The following ITPR3 variants were observed in gnomAD, a reference collection of about 807,000 sequenced individuals.
ITPR3 encodes the protein inositol 1,4,5-trisphosphate receptor type 3, also known as inositol 1,4,5-trisphosphate-gated calcium channel ITPR3.
A neutral mutation model predicts 293.2 loss-of-function variants in ITPR3; 173 were observed. That is an observed-to-expected ratio of 0.59 (90% CI 0.52 to 0.67). The LOEUF is 0.67. Among genes scored for constraint, ITPR3 ranks in the 30% least tolerant of loss-of-function variants. ITPR3 has a pLI of 0.00. For missense variants in ITPR3, 2,796 were observed against 3,592.1 expected, an observed-to-expected ratio of 0.78 and a Z score of 5.66; for synonymous variants, 1,295 against 1,444.4, an observed-to-expected ratio of 0.90 and a Z score of 2.35.
At chr6:33,659,325 G>T in intron 6 of ITPR3, 141 bp from the exon 7 acceptor site, 1 of 901,920 alleles carries the variant, frequency 1.1e-6, no homozygotes, top group African/African-American at 1.6e-5. Flanking sequence ...GCCGGGCTGG[G>T]GTCTGGGGAC....
Position 33,655,638 on chromosome 6 carries a change from C to A in ITPR3, c.161-128C>A. ...TGAGGTTCTTCCAACCGCTTCCTCT[C>A]TACCTGCAGCGGGGAACGGGGGTGG... On this transcript the variant is annotated intron_variant, in intron 2 of 57. Transcript: ENST00000605930. The surrounding 1 kb of genome is among the most constrained non-coding windows in gnomAD (Gnocchi z 4.9). The A allele has an allele frequency of 8.0e-7, 1 of 1,253,490 alleles. No individual in the cohort carries two copies. The highest frequency in any genetic ancestry group is 2.5e-5 in the East Asian group (1 of 39,858). The allele number at this position is 1,253,490 out of a possible 1,614,324, so 77.6% of individuals were successfully genotyped here.
chr6:33,633,615 C>T lies in ITPR3; in HGVS notation c.90-6869C>T, dbSNP rs942456828. Among the ~76,000 whole-genome samples the T allele has an allele frequency of 3.3e-5, 5 of 151,460 alleles. No individual in the cohort carries two copies. The highest frequency in any genetic ancestry group is 1.2e-4 in the African/African-American group (5 of 41,356). ...CCGCCCCGCCCCCGGGCGCGTCTGG[C>T]GGAGGCGCGGCGTCCTGGCAGCGGC... On this transcript the variant is annotated intron_variant, in intron 1 of 57. Coordinates refer to ENST00000605930, the MANE Select transcript of ITPR3 (RefSeq NM_002224.4). This position sits in a 1 kb window ranked among gnomAD's most constrained non-coding sequence, Gnocchi z 5.2.
In ITPR3 at chr6:33,691,623, C is replaced by G. The variant is rs1460142452; in HGVS notation, c.7234C>G (p.Leu2412Val). 1.2e-6 allele frequency: 2 copies of G among 1,613,830 alleles called. No individual in the cohort carries two copies. The highest frequency in any genetic ancestry group is 2.7e-5 in the African/African-American group (2 of 74,882). ...LPNNHSTASPLGMPHGAAAFV... is the reference protein window; with the variant it reads ...LPNNHSTASPVGMPHGAAAFV... ...ATCCATATCCCCTCCAGCCAGCCCC[C>G]TGGGGATGCCACATGGAGCTGCTGC... The change falls in exon 53 of 58, where the codon CTG (leucine) becomes GTG (valine). Residue 2412 changes from leucine to valine, a missense_variant. Physicochemically the swap from Leu to Val is conservative, Grantham distance 32. Coordinates refer to ENST00000605930, the MANE Select transcript of ITPR3 (RefSeq NM_002224.4). This position sits in a 1 kb window ranked among gnomAD's most constrained non-coding sequence, Gnocchi z 4.9.
chr6:33,642,023 G>A (rs866297640), intron 2 of ITPR3, among the ~76,000 whole-genome samples: 22 of 136,588 alleles, frequency 1.6e-4, no homozygotes, highest in Middle Eastern at 7.5e-3. Flanking sequence ...CTGTGTTTTT[G>A]TTGTTGTTGT....
intron 24 of ITPR3, 59 bp downstream of exon 24, chr6:33,674,324 T>C: frequency 6.5e-7 from 1 of 1,530,828 alleles, no homozygotes; most frequent in Non-Finnish European, 9.0e-7. Context: ...CACCCCCTCT[T>C]GGTCTGGTCT....
At position 33,671,167 on chromosome 6, in the gene ITPR3, G is replaced by A. The variant is rs1484574233; in HGVS notation, c.2589G>A (p.Val863=). 6.2e-6 allele frequency: 10 copies of A among 1,613,642 alleles called. No individual in the cohort carries two copies. Among genetic ancestry groups the A allele is most frequent in the Non-Finnish European group, 8.5e-6 (10 of 1,179,884 alleles). The change falls in exon 21 of 58, where the codon GTG becomes GTA. Residue 863 remains valine (V), a splice_region_variant and synonymous_variant. Transcript: ENST00000605930. Reference sequence around the variant, plus strand: ...CCTCGGCCACGCCCCCTTCGCAGGTGGTCAGCCTGGCGCACAATCTCATCT... The same window carrying A: ...CCTCGGCCACGCCCCCTTCGCAGGTAGTCAGCCTGGCGCACAATCTCATCT... ...NEEKNKLTFE[V]VSLAHNLIYF... is the part of the protein sequence containing the mutation.
chr6:33,673,322 C>G (rs113087730), intron 22 of ITPR3, among the ~76,000 whole-genome samples: 2 of 152,118 alleles, frequency 1.3e-5, no homozygotes, highest in African/African-American at 4.8e-5. Context: ...CAGGGGTGCT[C>G]GCTGCCTCAT....
In ITPR3 at chr6:33,665,146, G is replaced by T; in HGVS notation, c.1342G>T (p.Ala448Ser). 1.9e-6 allele frequency: 3 copies of T among 1,614,178 alleles called. No individual in the cohort carries two copies. The highest frequency in any genetic ancestry group is 2.5e-6 in the Non-Finnish European group (3 of 1,180,044). Residue 448 changes from alanine to serine, a missense_variant, in exon 13 of 58, where the codon GCC becomes TCC. By Grantham distance (99) the Ala-to-Ser change is moderately conservative (BLOSUM62 1). This residue lies in a region of ITPR3 where 955 missense variants were observed against 1,180.8 expected (regional missense o/e 0.81). Transcript: ENST00000605930. ...CCGAGACCTGGACTTTGCCAATGAC[G>T]CCAGCTCCATGCTGGCCAGTGCCGT... ...EIRDLDFAND[A>S]SSMLASAVEK...
At chr6:33,660,462 C>T (rs541358165) in intron 7 of ITPR3, among the ~76,000 whole-genome samples, 164 of 152,242 alleles carry the variant, frequency 1.1e-3, no homozygotes, top group Non-Finnish European at 2.0e-3. Context: ...CCTCATCCTT[C>T]TTACCTCCTG....
At chr6:33,640,911 A>G (rs1350604047) in intron 2 of ITPR3, among the ~76,000 whole-genome samples, 1 of 152,212 alleles carries the variant, frequency 6.6e-6, no homozygotes, top group Non-Finnish European at 1.5e-5. Flanking sequence ...AGACTTTAGG[A>G]GGCCCTGGTG....
Position 33,675,625 on chromosome 6 carries a change from T to G in ITPR3, c.3117-66T>G. The G allele has an allele frequency of 1.3e-6, 2 of 1,506,938 alleles. No homozygotes were observed. The highest frequency in any genetic ancestry group is 2.0e-4 in the Middle Eastern group (1 of 4,974). 93.3% of individuals were successfully genotyped at this position (1,506,938 alleles called of 1,614,324 possible). ...AGAGTGTGCTTGTGCCAGGGCCCCT[T>G]ACCCACCACGGACAGCAGGGAGTGT... is the stretch of plus-strand genomic sequence containing the variant. On this transcript the variant is annotated intron_variant, in intron 24 of 57. Coordinates refer to ENST00000605930, the MANE Select transcript of ITPR3 (RefSeq NM_002224.4). This position sits in a 1 kb window ranked among gnomAD's most constrained non-coding sequence, Gnocchi z 5.0.
Position 33,683,849 on chromosome 6 carries a change from G to A in ITPR3, c.4789-171G>A, listed in dbSNP as rs1231743252. On this transcript the variant is annotated intron_variant, in intron 35 of 57. Coordinates refer to ENST00000605930, the MANE Select transcript of ITPR3 (RefSeq NM_002224.4). This position sits in a 1 kb window ranked among gnomAD's most constrained non-coding sequence, Gnocchi z 4.5. The stretch of plus-strand genomic sequence containing the variant: ...GCCAGGCTTGGCAGCTCCCAGCCAG[G>A]GCTCTGAGCAGACAGACATCACGCT... Among the ~76,000 whole-genome samples the A allele has an allele frequency of 2.0e-5, 3 of 152,142 alleles. No homozygotes were observed. Among genetic ancestry groups the A allele is most frequent in the African/African-American group, 7.2e-5 (3 of 41,420 alleles).
intron 1 of ITPR3, among the ~76,000 whole-genome samples, chr6:33,622,126 G>A (rs1231293639): frequency 6.6e-6 from 1 of 152,076 alleles, no homozygotes; most frequent in African/African-American, 2.4e-5. Context: ...CTCTATTACC[G>A]ATCCCGTGGT....
At position 33,664,356 on chromosome 6, in the gene ITPR3, T is replaced by TA. The variant is rs1464313197; in HGVS notation, c.1148+478dup. Among the ~76,000 whole-genome samples, 1 of 152,196 alleles carries TA rather than the reference T, an allele frequency of 6.6e-6. No individual in the cohort carries two copies. Among genetic ancestry groups the TA allele is most frequent in the Non-Finnish European group, 1.5e-5 (1 of 68,032 alleles). ...CATCAAGTTTCCCTGTCAACAGGGCTAATGGGAGAGTTAATTGAGTCACTA... is the reference window on the plus strand; with the variant it reads ...CATCAAGTTTCCCTGTCAACAGGGCTAAATGGGAGAGTTAATTGAGTCACTA... On this transcript the variant is annotated intron_variant, in intron 11 of 57. Transcript: ENST00000605930. The surrounding 1 kb of genome is among the most constrained non-coding windows in gnomAD (Gnocchi z 4.4).
At chr6:33,647,365 A>G (rs1764092742) in intron 2 of ITPR3, among the ~76,000 whole-genome samples, 1 of 152,168 alleles carries the variant, frequency 6.6e-6, no homozygotes, top group Admixed American at 6.5e-5. Context: ...TTCACATAAC[A>G]AGGAGTTTCC....
chr6:33,689,427 G>A lies in ITPR3; in HGVS notation c.6867+17G>A. On this transcript the variant is annotated intron_variant, in intron 50 of 57. Coordinates refer to ENST00000605930, the MANE Select transcript of ITPR3 (RefSeq NM_002224.4). The stretch of plus-strand genomic sequence containing the variant: ...GCCCTCAATGTGAGTGCCAGAGGGA[G>A]CCCCCATTCCCAAACAAGCTCATGC... 1.2e-6 allele frequency: 2 copies of A among 1,602,290 alleles called. No homozygotes were observed. Among genetic ancestry groups the A allele is most frequent in the South Asian group, 1.1e-5 (1 of 90,794 alleles).
At chr6:33,689,099 T>C (rs561825780) in intron 49 of ITPR3, 139 bp from the exon 50 acceptor site, 33 of 998,758 alleles carry the variant, frequency 3.3e-5, no homozygotes, top group South Asian at 1.1e-4. Context: ...GCAGGTGTAA[T>C]GGAGGAGGCT....
intron 9 of ITPR3, 22 bp from the exon 10 acceptor site, chr6:33,663,478 C>G (rs778715454): frequency 5.6e-6 from 9 of 1,597,680 alleles, no homozygotes; most frequent in South Asian, 2.3e-5. Flanking sequence ...GTAGCTCCCC[C>G]ACATCTTGTA....
In ITPR3 at chr6:33,655,908, G is replaced by A. The variant is rs373782032; in HGVS notation, c.282+21G>A. 317 of 1,613,298 alleles carry A rather than the reference G, an allele frequency of 2.0e-4. No individual in the cohort carries two copies. The highest frequency in any genetic ancestry group is 2.5e-4 in the Non-Finnish European group (294 of 1,179,698). ...TGCAGGTATGTGTGTGTGTGCAGGCGTGCATCTGTGCACATGTACCAGGAA... is the reference window on the plus strand; with the variant it reads ...TGCAGGTATGTGTGTGTGTGCAGGCATGCATCTGTGCACATGTACCAGGAA... On this transcript the variant is annotated intron_variant, in intron 3 of 57. Transcript: ENST00000605930. The surrounding 1 kb of genome is among the most constrained non-coding windows in gnomAD (Gnocchi z 4.9).
Sources: gnomAD v4.1 joint callset for allele counts (sites outside exome capture counted in the v4.1 genomes callset) on GRCh38, gnomAD v4.1.1 for gene constraint, gnomAD v4.1.1 regional missense constraint, Gnocchi (gnomAD v3.1) non-coding constraint, MANE v1.5 for transcripts, NCBI Gene and HGNC (gene_info 2026-07-23, HGNC 2026-07-21) for gene names.